ANK2: variants seen among roughly 807,000 people sequenced by gnomAD.
The protein encoded by ANK2 is ankyrin-2.
In ANK2, 83 loss-of-function variants were observed where a neutral mutation model predicts 360.5. That is an observed-to-expected ratio of 0.23 (90% CI 0.19 to 0.28). The LOEUF is 0.28. Ranked by LOEUF, ANK2 falls within the 10% of genes least tolerant of loss-of-function variation. The pLI is 1.00. For synonymous variants in ANK2, 1,740 were observed against 1,759.5 expected (o/e 0.99, Z 0.28); for missense variants, 4,201 against 4,795.7 (o/e 0.88, Z 3.66).
intron 1 of ANK2, among the ~76,000 whole-genome samples, chr4:113,115,316 C>G (rs1003225662): frequency 6.6e-6 from 1 of 152,144 alleles, no homozygotes; most frequent in Non-Finnish European, 1.5e-5. Context: ...ACTAATGAAG[C>G]TGATTTGTTT....
At chr4:112,884,575 A>G (rs1011427556) in intron 1 of ANK2, among the ~76,000 whole-genome samples, 23 of 152,078 alleles carry the variant, frequency 1.5e-4, no homozygotes, top group African/African-American at 5.6e-4. Flanking sequence ...AAATATGTGG[A>G]AGGCTGCACT....
At chr4:112,798,386 C>T in the ANK2 span, 1 of 152,172 alleles carries the variant, frequency 6.6e-6, no homozygotes, top group African/African-American at 2.4e-5. Context: ...CTCCCGGGTT[C>T]AAGCGATTCT....
the ANK2 span, among the ~76,000 whole-genome samples, chr4:112,809,982 T>C: frequency 6.6e-6 from 1 of 151,826 alleles, no homozygotes; most frequent in Admixed American, 6.6e-5. Flanking sequence ...CAAATACCTG[T>C]ATATTTCTTA....
In ANK2 at chr4:113,364,979, GA is replaced by G. The variant is rs1388469776; in HGVS notation, c.10889-57del. The G allele has an allele frequency of 1.9e-6, 3 of 1,606,456 alleles. No homozygotes were observed. In the East Asian group the frequency reaches 6.7e-5, roughly 36 times the overall value. On this transcript the variant is annotated intron_variant, in intron 40 of 45. Transcript: ENST00000357077. The stretch of plus-strand genomic sequence containing the variant: ...CAAAAATTTAGTAAGGCAGTTGAGT[GA>G]AAGAGATTTTTAAGAGTACCTCTCA...
rs376453402 is a variant in ANK2 at position 113,292,525 on chromosome 4, C to T, written c.2376+11C>T. The T allele has an allele frequency of 1.9e-5, 30 of 1,593,300 alleles. No individual in the cohort carries two copies. In the African/African-American group the frequency reaches 3.2e-4, roughly 17 times the overall value. On this transcript the variant is annotated intron_variant, in intron 21 of 45. Transcript: ENST00000357077. ...AACGCCACCACTGCGGTAAGGCAGA[C>T]GCCACTGCCCCTCACCACGCTTTCT...
At chr4:113,304,222 A>G (rs1042371883) in intron 23 of ANK2, among the ~76,000 whole-genome samples, 1 of 152,200 alleles carries the variant, frequency 6.6e-6, no homozygotes, top group African/African-American at 2.4e-5. Flanking sequence ...TATGTTGAAC[A>G]GCTCTTAAAC....
intron 2 of ANK2, among the ~76,000 whole-genome samples, chr4:112,975,270 T>C (rs1374646659): frequency 6.6e-6 from 1 of 152,230 alleles, no homozygotes; most frequent in Non-Finnish European, 1.5e-5. Flanking sequence ...ATCATAATTT[T>C]CCTAAGTTCA....
Position 112,957,629 on chromosome 4 carries a change from T to C in ANK2, c.21+53115T>C, listed in dbSNP as rs1259954487. ...CCCCTCACCTCCCGGACGGGGCGGC[T>C]GGCCGGGCGGGGGGCTGACCCCCCC... On this transcript the variant is annotated intron_variant, in intron 2 of 30. Transcript: ENST00000503271. Among the ~76,000 whole-genome samples, 1,250 of 145,210 alleles carry C rather than the reference T, an allele frequency of 8.6e-3. 7 individuals are homozygous for C. Among genetic ancestry groups the C allele is most frequent in the African/African-American group, 0.03 (1,161 of 38,934 alleles).
At chr4:113,123,132 C>A (rs919005311) in intron 1 of ANK2, among the ~76,000 whole-genome samples, 5 of 151,786 alleles carry the variant, frequency 3.3e-5, no homozygotes, top group Admixed American at 3.3e-4. Flanking sequence ...AATCTAAAAT[C>A]TTATACACAC....
intron 17 of ANK2, among the ~76,000 whole-genome samples, chr4:113,281,742 T>G (rs1034948137): frequency 3.9e-5 from 6 of 152,270 alleles, no homozygotes; most frequent in Non-Finnish European, 4.4e-5. Flanking sequence ...TGTTCCACAT[T>G]TTTTTCTTTT....
chr4:112,790,520 C>G, the ANK2 span, among the ~76,000 whole-genome samples: 1 of 128,330 alleles, frequency 7.8e-6, no homozygotes, highest in African/African-American at 3.0e-5. Context: ...TGGAGTTTTG[C>G]TCTGTCGCCC....
At chr4:112,865,062 A>C (rs2069914591) in intron 1 of ANK2, among the ~76,000 whole-genome samples, 1 of 146,008 alleles carries the variant, frequency 6.8e-6, no homozygotes, top group Non-Finnish European at 1.5e-5. Context: ...AAAAAAAAAA[A>C]AAAAAAAAGG....
At chr4:112,999,285 T>G (rs972494697) in intron 2 of ANK2, among the ~76,000 whole-genome samples, 16 of 150,914 alleles carry the variant, frequency 1.1e-4, no homozygotes, top group African/African-American at 3.2e-4. Context: ...ACTTTATTTT[T>G]GTGTATCACC....
At chr4:113,230,369 T>G (rs528496747) in intron 4 of ANK2, among the ~76,000 whole-genome samples, 1 of 152,254 alleles carries the variant, frequency 6.6e-6, no homozygotes, top group South Asian at 2.1e-4. Context: ...CAAAAAGGTA[T>G]CTTTAAAAAA....
chr4:112,933,006 A>C (rs1253454931), intron 2 of ANK2, among the ~76,000 whole-genome samples: 1 of 152,228 alleles, frequency 6.6e-6, no homozygotes, highest in African/African-American at 2.4e-5. Context: ...TTCATGAATA[A>C]ATTAACTGTA....
chr4:113,271,947 C>T (rs1203049773), intron 14 of ANK2, among the ~76,000 whole-genome samples: 1 of 152,152 alleles, frequency 6.6e-6, no homozygotes, highest in Admixed American at 6.5e-5. Flanking sequence ...AGAGCCTGAC[C>T]ATCTGGGAGC....
At chr4:112,803,607 A>T in the ANK2 span, among the ~76,000 whole-genome samples, 1 of 152,190 alleles carries the variant, frequency 6.6e-6, no homozygotes, top group African/African-American at 2.4e-5. Context: ...AACCCTGTGA[A>T]ACTGATTTCA....
At chr4:113,148,144 T>C (rs1171972862) in intron 1 of ANK2, among the ~76,000 whole-genome samples, 1 of 152,194 alleles carries the variant, frequency 6.6e-6, no homozygotes, top group African/African-American at 2.4e-5. Context: ...GACCATGTTT[T>C]GATAAAGTGC....
intron 1 of ANK2, chr4:113,145,744 G>A (rs2096804260): frequency 2.6e-6 from 3 of 1,174,676 alleles, no homozygotes; most frequent in African/African-American, 3.2e-5. Context: ...GGCGTGGAAG[G>A]GAACTGAGCA....
Sources: gnomAD v4.1 joint callset for allele counts (sites outside exome capture counted in the v4.1 genomes callset) on GRCh38, gnomAD v4.1.1 for gene constraint, MANE v1.5 for transcripts, NCBI Gene and HGNC (gene_info 2026-07-23, HGNC 2026-07-21) for gene names.